The following ZMAT4 variants were observed in gnomAD, a reference collection of about 807,000 sequenced individuals.
The protein encoded by ZMAT4 is zinc finger matrin-type 4, also known as zinc finger matrin-type protein 4.
Under a neutral mutation model 28.7 loss-of-function variants are expected in ZMAT4, and 17 were observed. That is an observed-to-expected ratio of 0.59 (90% CI 0.41 to 0.89). The LOEUF is 0.89. Among genes scored for constraint, ZMAT4 ranks in the 40% least tolerant of loss-of-function variants. The pLI is 0.00. For missense variants in ZMAT4, 240 were observed against 283.8 expected, an observed-to-expected ratio of 0.85 and a Z score of 1.11; for synonymous variants, 117 against 109.2, an observed-to-expected ratio of 1.07 and a Z score of -0.44.
At chr8:40,598,264 G>A (rs935737945) in intron 5 of ZMAT4, among the ~76,000 whole-genome samples, 3 of 152,122 alleles carry the variant, frequency 2.0e-5, no homozygotes, top group African/African-American at 7.2e-5. Flanking sequence ...TGTTACATAG[G>A]TATGCATATG....
At chr8:40,810,793 A>C (rs1257001689) in intron 2 of ZMAT4, among the ~76,000 whole-genome samples, 1 of 152,148 alleles carries the variant, frequency 6.6e-6, no homozygotes, top group East Asian at 1.9e-4. Flanking sequence ...AGATAGTTAC[A>C]ATGTATAAAT....
intron 5 of ZMAT4, among the ~76,000 whole-genome samples, chr8:40,588,877 A>G (rs1804757894): frequency 6.6e-6 from 1 of 152,180 alleles, no homozygotes; most frequent in Non-Finnish European, 1.5e-5. Context: ...CAAAACCTCA[A>G]AACAACCCCA....
chr8:40,827,117 G>A (rs1049737573), intron 1 of ZMAT4, among the ~76,000 whole-genome samples: 9 of 152,038 alleles, frequency 5.9e-5, no homozygotes, highest in Non-Finnish European at 1.0e-4. Flanking sequence ...ATATGGCCTC[G>A]CTTGCATGAT....
chr8:40,745,419 C>A (rs1263374480), intron 3 of ZMAT4, among the ~76,000 whole-genome samples: 1 of 152,168 alleles, frequency 6.6e-6, no homozygotes, highest in Admixed American at 6.5e-5. Flanking sequence ...AGAACATCCT[C>A]CCCACACTCA....
intron 1 of ZMAT4, among the ~76,000 whole-genome samples, chr8:40,888,896 CAGGA>C (rs1818566353): frequency 1.3e-5 from 2 of 152,302 alleles, no homozygotes; most frequent in East Asian, 3.9e-4. Context: ...GGAAGGATGA[CAGGA>C]AGGAAGGGTG....
At chr8:40,629,253 GAT>G (rs1179408411) in intron 5 of ZMAT4, among the ~76,000 whole-genome samples, 3 of 151,724 alleles carry the variant, frequency 2.0e-5, no homozygotes, top group Non-Finnish European at 4.4e-5. Context: ...TTTCATAAAA[GAT>G]ATTGTTTTAT....
At chr8:40,648,548 C>T (rs376258272) in intron 5 of ZMAT4, among the ~76,000 whole-genome samples, 5 of 142,268 alleles carry the variant, frequency 3.5e-5, no homozygotes, top group African/African-American at 5.2e-5. Flanking sequence ...GGCAGGCCAA[C>T]GTTCAGATTC....
chr8:40,637,799 T>C (rs1413032946), intron 5 of ZMAT4, among the ~76,000 whole-genome samples: 1 of 152,202 alleles, frequency 6.6e-6, no homozygotes, highest in Non-Finnish European at 1.5e-5. Context: ...AGTACAATAG[T>C]ATATAGCACG....
chr8:40,649,370 GCTAA>G (rs1385431786), intron 5 of ZMAT4, among the ~76,000 whole-genome samples: 4 of 152,164 alleles, frequency 2.6e-5, no homozygotes, highest in African/African-American at 9.7e-5. Flanking sequence ...AACAAGAAGA[GCTAA>G]CTATCATAAA....
chr8:40,765,858 A>G (rs1456857906), intron 3 of ZMAT4, among the ~76,000 whole-genome samples: 1 of 152,210 alleles, frequency 6.6e-6, no homozygotes, highest in Admixed American at 6.5e-5. Context: ...AATGGCTATT[A>G]TATGAAAGGA....
intron 3 of ZMAT4, among the ~76,000 whole-genome samples, chr8:40,729,878 C>T (rs775274991): frequency 5.3e-5 from 8 of 151,896 alleles, no homozygotes; most frequent in Admixed American, 1.3e-4. Flanking sequence ...ATTACAGGCC[C>T]GCTTGAGCAT....
intron 3 of ZMAT4, among the ~76,000 whole-genome samples, chr8:40,752,065 T>G (rs570532211): frequency 6.6e-6 from 1 of 152,094 alleles, no homozygotes; most frequent in African/African-American, 2.4e-5. Flanking sequence ...ACACCTGAGT[T>G]CTACCAGCTG....
intron 5 of ZMAT4, among the ~76,000 whole-genome samples, chr8:40,619,207 C>T (rs1806116750): frequency 1.3e-5 from 2 of 152,098 alleles, no homozygotes; most frequent in African/African-American, 4.8e-5. Context: ...ACGTTGGTGG[C>T]CACAATGCTG....
intron 2 of ZMAT4, among the ~76,000 whole-genome samples, chr8:40,796,388 AT>A (rs1288340518): frequency 6.6e-6 from 1 of 152,182 alleles, no homozygotes; most frequent in African/African-American, 2.4e-5. Flanking sequence ...ACAAAAAAAC[AT>A]TGATATTTCA....
At chr8:40,575,747 A>C (rs1243572338) in intron 6 of ZMAT4, among the ~76,000 whole-genome samples, 1 of 151,858 alleles carries the variant, frequency 6.6e-6, no homozygotes, top group Admixed American at 6.6e-5. Flanking sequence ...GAGACATAAA[A>C]AACATGAAAA....
At chr8:40,591,261 G>A (rs564633264) in intron 5 of ZMAT4, among the ~76,000 whole-genome samples, 63 of 152,330 alleles carry the variant, frequency 4.1e-4, no homozygotes, top group African/African-American at 1.5e-3. Flanking sequence ...GAGTGTGAAA[G>A]AGCAGTTAGT....
At chr8:40,637,788 G>A (rs1806851846) in intron 5 of ZMAT4, among the ~76,000 whole-genome samples, 1 of 152,226 alleles carries the variant, frequency 6.6e-6, no homozygotes. Context: ...GGAGGCTAGT[G>A]AGTACAATAG....
chr8:40,684,628 A>C (rs1456246478), intron 4 of ZMAT4, among the ~76,000 whole-genome samples: 2 of 152,232 alleles, frequency 1.3e-5, no homozygotes, highest in Non-Finnish European at 2.9e-5. Context: ...AGCATTAGCT[A>C]TTCAACTAGA....
intron 3 of ZMAT4, among the ~76,000 whole-genome samples, chr8:40,756,196 A>G (rs1812669585): frequency 6.6e-6 from 1 of 151,940 alleles, no homozygotes; most frequent in South Asian, 2.1e-4. Context: ...CAGACTCTCA[A>G]ACATCAAGTT....
Sources: gnomAD v4.1 joint callset for allele counts (sites outside exome capture counted in the v4.1 genomes callset) on GRCh38, gnomAD v4.1.1 for gene constraint, MANE v1.5 for transcripts, NCBI Gene and HGNC (gene_info 2026-07-23, HGNC 2026-07-21) for gene names.